The following OPHN1 variants were observed in gnomAD, a reference collection of about 807,000 sequenced individuals.
The protein encoded by OPHN1 is oligophrenin 1, also known as oligophrenin-1.
OPHN1 carries 11 observed loss-of-function variants against 60.7 expected under a neutral mutation model. The observed-to-expected ratio is 0.18, with a 90% confidence interval of 0.11 to 0.30. The LOEUF (loss-of-function observed/expected upper bound fraction) is 0.30. Among genes scored for constraint, OPHN1 ranks in the 10% least tolerant of loss-of-function variants. The pLI is 1.00. For synonymous variants in OPHN1, 226 were observed against 222.6 expected, an observed-to-expected ratio of 1.02 and a Z score of -0.14; for missense variants, 449 against 611.0, an observed-to-expected ratio of 0.73 and a Z score of 2.80.
chrX:68,259,594 G>A (rs761187670), intron 5 of OPHN1, among the ~76,000 whole-genome samples: 33 of 111,643 alleles, frequency 3.0e-4, no homozygotes, highest in Non-Finnish European at 5.3e-4. Context: ...AAACTATTCT[G>A]AGCATTTTAC....
At chrX:68,402,214 A>T (rs2078718036) in intron 2 of OPHN1, among the ~76,000 whole-genome samples, 1 of 109,729 alleles carries the variant, frequency 9.1e-6, no homozygotes, top group South Asian at 4.0e-4. Context: ...AGGTAAATCT[A>T]CCAGACTTAG....
intron 6 of OPHN1, among the ~76,000 whole-genome samples, chrX:68,232,404 C>T (rs1447673021): frequency 1.8e-5 from 2 of 111,375 alleles, no homozygotes; most frequent in Non-Finnish European, 3.8e-5. Context: ...CAAAAGATCT[C>T]TCACGGTGGT....
intron 23 of OPHN1, among the ~76,000 whole-genome samples, chrX:68,049,098 C>A (rs2076842036): frequency 9.0e-6 from 1 of 111,259 alleles, no homozygotes; most frequent in Non-Finnish European, 1.9e-5. Context: ...GACCTCCCCA[C>A]AACAGGCTAC....
At chrX:68,382,165 T>C (rs769975242) in intron 2 of OPHN1, among the ~76,000 whole-genome samples, 15 of 110,297 alleles carry the variant, frequency 1.4e-4, no homozygotes, top group Non-Finnish European at 2.3e-4. Context: ...CTGGCCAACA[T>C]GGTGAAACTC....
chrX:68,278,951 G>T (rs757182573), intron 4 of OPHN1, among the ~76,000 whole-genome samples: 1 of 108,562 alleles, frequency 9.2e-6, no homozygotes, highest in African/African-American at 3.3e-5. Flanking sequence ...AAATATTATG[G>T]GGGCCTCTTT....
rs186450901 is a variant in OPHN1 at position 68,246,158 on chromosome X, T to A, written c.385-11570A>T. On this transcript the variant is annotated intron_variant, in intron 5 of 24. Transcript: ENST00000355520. Reference sequence around the variant, plus strand: ...TATCCCCTTCCTACCACCACTGAACTAAGCACCTTGCTCCCTGCTAAAAAA... The same window carrying A: ...TATCCCCTTCCTACCACCACTGAACAAAGCACCTTGCTCCCTGCTAAAAAA... Among the ~76,000 whole-genome samples, 614 of 111,647 alleles carry A rather than the reference T, an allele frequency of 5.5e-3. 5 individuals are homozygous for A. Among genetic ancestry groups the A allele is most frequent in the African/African-American group, 0.019 (593 of 30,720 alleles).
At chrX:68,228,113 A>G (rs2077706322) in intron 6 of OPHN1, among the ~76,000 whole-genome samples, 1 of 111,855 alleles carries the variant, frequency 8.9e-6, no homozygotes, top group Admixed American at 9.5e-5. Flanking sequence ...AGCTACCATC[A>G]GAGAATACCA....
intron 2 of OPHN1, among the ~76,000 whole-genome samples, chrX:68,419,659 G>T (rs559519914): frequency 4.7e-5 from 5 of 106,889 alleles, no homozygotes; most frequent in South Asian, 8.7e-4. Context: ...TCCCACCTCA[G>T]CCTCCTGAGT....
At chrX:68,420,869 A>G (rs2096042027) in intron 2 of OPHN1, among the ~76,000 whole-genome samples, 1 of 107,763 alleles carries the variant, frequency 9.3e-6, no homozygotes, top group South Asian at 4.0e-4. Context: ...AAAAAAAATC[A>G]CAGTCTCAGC....
At chrX:68,151,265 T>C (rs2077284237) in intron 15 of OPHN1, among the ~76,000 whole-genome samples, 1 of 112,268 alleles carries the variant, frequency 8.9e-6, no homozygotes, top group Non-Finnish European at 1.9e-5. Flanking sequence ...AGTAAAAGAA[T>C]GGGTGTGGCT....
intron 2 of OPHN1, among the ~76,000 whole-genome samples, chrX:68,333,087 A>C (rs901374649): frequency 1.9e-4 from 21 of 110,347 alleles, no homozygotes; most frequent in Non-Finnish European, 3.0e-4. Flanking sequence ...GCCATAGTAT[A>C]TATAACGGTG....
chrX:68,259,888 GAT>G (rs2077884732), intron 5 of OPHN1, among the ~76,000 whole-genome samples: 1 of 111,914 alleles, frequency 8.9e-6, no homozygotes, highest in African/African-American at 3.3e-5. Flanking sequence ...CATATATGAG[GAT>G]AATCAGGAGG....
intron 2 of OPHN1, among the ~76,000 whole-genome samples, chrX:68,364,647 G>A (rs1295091742): frequency 1.8e-5 from 2 of 112,166 alleles, no homozygotes. Context: ...ATGCTAGACA[G>A]CCATTAAGAG....
At chrX:68,266,593 A>G (rs1028078795) in intron 5 of OPHN1, among the ~76,000 whole-genome samples, 12 of 111,830 alleles carry the variant, frequency 1.1e-4, no homozygotes, top group African/African-American at 3.3e-4. Flanking sequence ...TGTAAAGACT[A>G]TCAATGCTAG....
At chrX:68,277,544 C>T (rs1233365114) in intron 4 of OPHN1, among the ~76,000 whole-genome samples, 1 of 112,436 alleles carries the variant, frequency 8.9e-6, no homozygotes, top group East Asian at 2.8e-4. Flanking sequence ...AATCCTAGCA[C>T]TTTGGGAAGC....
At position 68,126,726 on chromosome X, in the gene OPHN1, T is replaced by G. The variant is rs1291770765; in HGVS notation, c.1277-7394A>C. On this transcript the variant is annotated intron_variant, in intron 15 of 24. Coordinates refer to ENST00000355520, the MANE Select transcript of OPHN1 (RefSeq NM_002547.3). ...TCCCAAAGTGCTGGGATTACAGGCATGAGCCACTGTGCCCGGCCATAGTCT... is the reference window on the plus strand; with the variant it reads ...TCCCAAAGTGCTGGGATTACAGGCAGGAGCCACTGTGCCCGGCCATAGTCT... 1.6e-4 allele frequency among the ~76,000 whole-genome samples: 18 copies of G among 112,060 alleles called. No homozygotes were observed. In the Admixed American group the frequency reaches 1.6e-3, roughly 10 times the overall value.
intron 15 of OPHN1, among the ~76,000 whole-genome samples, chrX:68,136,591 C>G (rs2077221641): frequency 9.0e-6 from 1 of 111,342 alleles, no homozygotes; most frequent in South Asian, 3.8e-4. Context: ...GCGTGAGCCA[C>G]CGCGCTTGGC....
At chrX:68,352,309 C>T (rs1239152432) in intron 2 of OPHN1, among the ~76,000 whole-genome samples, 1 of 107,904 alleles carries the variant, frequency 9.3e-6, no homozygotes, top group East Asian at 2.9e-4. Context: ...GGTAGACAGT[C>T]TCCAGAAAAA....
Position 68,043,693 on chromosome X carries a change from C to A in OPHN1, c.*3479G>T, listed in dbSNP as rs1479384330. The A allele has an allele frequency of 1.8e-5, 2 of 112,060 alleles. No homozygotes were observed. Among genetic ancestry groups the A allele is most frequent in the Non-Finnish European group, 3.8e-5 (2 of 53,225 alleles). 9.2% of individuals were successfully genotyped at this position (112,060 alleles called of 1,213,427 possible). A position where few individuals can be genotyped will look rare whatever the true frequency, so the allele number is the denominator to read the frequency against. Reference sequence around the variant, plus strand: ...ATTGAAATTAGATGCTAAGTTTTGTCCCTCAGTGGCTGAACACCCCCAACC... The same window carrying A: ...ATTGAAATTAGATGCTAAGTTTTGTACCTCAGTGGCTGAACACCCCCAACC... On this transcript the variant is annotated 3_prime_UTR_variant, in exon 25 of 25. Transcript: ENST00000355520.
Sources: allele counts gnomAD v4.1 joint callset (sites outside exome capture counted in the v4.1 genomes callset), GRCh38; gene constraint gnomAD v4.1.1; transcripts MANE v1.5; gene names NCBI Gene and HGNC (gene_info 2026-07-23, HGNC 2026-07-21).